The following SMAD6 variants were observed in gnomAD, a reference collection of about 807,000 sequenced individuals.
SMAD6 encodes MAD homolog 6.
Under a neutral mutation model 39.4 loss-of-function variants are expected in SMAD6, and 103 were observed. That is an observed-to-expected ratio of 2.62 (90% confidence interval 2.23 to 3.08). The LOEUF (loss-of-function observed/expected upper bound fraction) is 3.08. Among genes scored for constraint, SMAD6 ranks in the 30% most tolerant of loss-of-function variants. The pLI is 0.00. For missense variants in SMAD6, 1,104 were observed against 742.9 expected (o/e 1.49, Z -5.65); for synonymous variants, 445 against 353.3 (o/e 1.26, Z -2.91).
intron 3 of SMAD6, among the ~76,000 whole-genome samples, chr15:66,732,971 C>T (rs1182622187): frequency 6.6e-6 from 1 of 151,558 alleles, no homozygotes; most frequent in Non-Finnish European, 1.5e-5. Context: ...GGTTTATAAT[C>T]CATGTTGAGT....
chr15:66,770,404 C>T (rs1894360610), intron 3 of SMAD6, among the ~76,000 whole-genome samples: 1 of 152,188 alleles, frequency 6.6e-6, no homozygotes, highest in Non-Finnish European at 1.5e-5. Context: ...GCAGTTTGGC[C>T]ATAAGCAGTG....
At chr15:66,756,677 T>TTGGACTGG (rs11281114) in intron 3 of SMAD6, among the ~76,000 whole-genome samples, 135,037 of 151,780 alleles carry the variant, frequency 0.89, 60,083 homozygotes, top group South Asian at 0.93. Context: ...CCAGTGGAGA[T>TTGGACTGG]TGGGGCCAGA....
At chr15:66,730,599 G>T (rs1019792834) in intron 3 of SMAD6, among the ~76,000 whole-genome samples, 1 of 132,750 alleles carries the variant, frequency 7.5e-6, no homozygotes, top group Non-Finnish European at 1.6e-5. Flanking sequence ...ACATGGTGTG[G>T]AGTCATTACC....
At chr15:66,757,647 G>C (rs1333653220) in intron 3 of SMAD6, among the ~76,000 whole-genome samples, 1 of 152,190 alleles carries the variant, frequency 6.6e-6, no homozygotes, top group Non-Finnish European at 1.5e-5. Flanking sequence ...TGACACTCTG[G>C]GGAGGGATGA....
intron 3 of SMAD6, among the ~76,000 whole-genome samples, chr15:66,773,170 C>A (rs555703630): frequency 2.1e-4 from 31 of 148,338 alleles, no homozygotes; most frequent in Non-Finnish European, 4.0e-4. Context: ...CCCTTGGAAG[C>A]CCGGCTTCCT....
intron 3 of SMAD6, among the ~76,000 whole-genome samples, chr15:66,729,710 G>A (rs1007985300): frequency 4.6e-5 from 7 of 152,212 alleles, no homozygotes; most frequent in Non-Finnish European, 1.0e-4. Context: ...CCTTTCTTGG[G>A]TGCTTTGATG....
At chr15:66,729,448 G>A (rs575092718) in intron 3 of SMAD6, among the ~76,000 whole-genome samples, 2 of 152,324 alleles carry the variant, frequency 1.3e-5, no homozygotes, top group Admixed American at 6.5e-5. Flanking sequence ...GCAGCCGGCC[G>A]GGTCTGCCTC....
chr15:66,716,374 G>A (rs1192136405), intron 2 of SMAD6, 47 bp from the exon 3 acceptor site: 2 of 1,340,718 alleles, frequency 1.5e-6, no homozygotes, highest in Admixed American at 1.7e-5. Flanking sequence ...AAAAAAGAGA[G>A]CGCTGCCCCA....
intron 3 of SMAD6, among the ~76,000 whole-genome samples, chr15:66,780,678 A>G (rs1011211070): frequency 2.6e-5 from 4 of 152,312 alleles, no homozygotes; most frequent in Middle Eastern, 3.4e-3. Flanking sequence ...TCCTGCTAGC[A>G]TGAAGAGGCA....
At chr15:66,766,088 G>C (rs1184192270) in intron 3 of SMAD6, among the ~76,000 whole-genome samples, 1 of 152,210 alleles carries the variant, frequency 6.6e-6, no homozygotes, top group Non-Finnish European at 1.5e-5. Flanking sequence ...ATTCACAATG[G>C]CCATGATTTA....
At chr15:66,715,166 A>G (rs1216499942) in intron 2 of SMAD6, among the ~76,000 whole-genome samples, 1 of 150,316 alleles carries the variant, frequency 6.7e-6, no homozygotes, top group African/African-American at 2.5e-5. Flanking sequence ...TCTTCCTTGC[A>G]TTGTTGCTTT....
rs1390671432 is a variant in SMAD6, at chr15:66,711,684, C to A, written c.834C>A (p.Pro278=). 6.2e-7 allele frequency: 1 copy of A among 1,613,886 alleles called. No individual in the cohort carries two copies. The highest frequency in any genetic ancestry group is 1.3e-5 in the African/African-American group (1 of 74,926). Residue 278 remains proline (P), a synonymous_variant, in exon 2 of 4, where the codon CCC becomes CCA. Coordinates refer to ENST00000288840, the MANE Select transcript of SMAD6 (RefSeq NM_005585.5). ...RLCGPESPPP[P]YSRLSPRDEY... ...GTCTTCCAGAATCTCCGCCACCTCCCTACTCTCGGCTGTCTCCTCGCGACG... is the reference window on the plus strand; with the variant it reads ...GTCTTCCAGAATCTCCGCCACCTCCATACTCTCGGCTGTCTCCTCGCGACG...
rs1488056714 is a variant in SMAD6 at position 66,702,291 on chromosome 15, G to T, written c.-968G>T. On this transcript the variant is annotated 5_prime_UTR_variant, in exon 1 of 4. Coordinates refer to ENST00000288840, the MANE Select transcript of SMAD6 (RefSeq NM_005585.5). ...GCGCTCCTCCGGGGGCCCTCAGTGTGCGTTTGAGGAGAACAAAAAAGAGAG... is the reference window on the plus strand; with the variant it reads ...GCGCTCCTCCGGGGGCCCTCAGTGTTCGTTTGAGGAGAACAAAAAAGAGAG... 1 of 152,268 alleles carries T rather than the reference G, an allele frequency of 6.6e-6. No individual in the cohort carries two copies. Among genetic ancestry groups the T allele is most frequent in the Non-Finnish European group, 1.5e-5 (1 of 68,078 alleles). 9.4% of individuals were successfully genotyped at this position (152,268 alleles called of 1,614,324 possible). A position where few individuals can be genotyped will look rare whatever the true frequency, so the allele number is the denominator to read the frequency against.
intron 3 of SMAD6, among the ~76,000 whole-genome samples, chr15:66,751,571 C>T (rs926495545): frequency 1.3e-5 from 2 of 152,204 alleles, no homozygotes; most frequent in Non-Finnish European, 2.9e-5. Flanking sequence ...CTCCTGAGCC[C>T]CTAGTCTACA....
chr15:66,752,932 G>A (rs918462957), intron 3 of SMAD6, among the ~76,000 whole-genome samples: 2 of 152,232 alleles, frequency 1.3e-5, no homozygotes, highest in African/African-American at 4.8e-5. Context: ...GAGACAGCAA[G>A]GGGCATCCAT....
chr15:66,757,038 G>A (rs1699485820), intron 3 of SMAD6, among the ~76,000 whole-genome samples: 1 of 152,180 alleles, frequency 6.6e-6, no homozygotes, highest in African/African-American at 2.4e-5. Flanking sequence ...GCGATGGGGG[G>A]CTTCTGCTGC....
chr15:66,714,247 G>T (rs1893284739), intron 2 of SMAD6, among the ~76,000 whole-genome samples: 1 of 152,180 alleles, frequency 6.6e-6, no homozygotes. Flanking sequence ...GAAACCAACA[G>T]TTGTCCCCAT....
At chr15:66,779,092 G>C (rs1894515458) in intron 3 of SMAD6, among the ~76,000 whole-genome samples, 1 of 151,924 alleles carries the variant, frequency 6.6e-6, no homozygotes, top group Non-Finnish European at 1.5e-5. Flanking sequence ...GGGGAGAGGG[G>C]CACTGGAGTG....
intron 3 of SMAD6, among the ~76,000 whole-genome samples, chr15:66,746,641 A>C (rs542980344): frequency 6.6e-6 from 1 of 152,272 alleles, no homozygotes; most frequent in South Asian, 2.1e-4. Flanking sequence ...TGAGACAGTG[A>C]CTGCTGAGGT....
Sources: gnomAD v4.1 joint callset for allele counts (sites outside exome capture counted in the v4.1 genomes callset) on GRCh38, gnomAD v4.1.1 for gene constraint, MANE v1.5 for transcripts, NCBI Gene and HGNC (gene_info 2026-07-23, HGNC 2026-07-21) for gene names.